CPA4: variants seen among roughly 807,000 people sequenced by gnomAD.
The protein encoded by CPA4 is carboxypeptidase A3.
CPA4 carries 49 observed loss-of-function variants against 54.7 expected under a neutral mutation model. The ratio of observed to expected loss-of-function variants is 0.90; its 90% CI spans 0.71 to 1.14. The LOEUF (loss-of-function observed/expected upper bound fraction) is 1.14, where lower values mean the gene tolerates loss of function less well. Among genes scored for constraint, CPA4 ranks in the 50% most tolerant of loss-of-function variants. CPA4 has a pLI of 0.00. For missense variants in CPA4, 487 were observed against 525.1 expected, an observed-to-expected ratio of 0.93 and a Z score of 0.71; for synonymous variants, 215 against 206.8, an observed-to-expected ratio of 1.04 and a Z score of -0.34.
chr7:130,308,864 T>TG (rs1793869912), intron 8 of CPA4, among the ~76,000 whole-genome samples: 1 of 150,142 alleles, frequency 6.7e-6, no homozygotes, highest in Non-Finnish European at 1.5e-5. Context: ...TTTTTTTTTT[T>TG]TGAGACAGAG....
rs1244231404 is a variant in CPA4 at position 130,304,542 on chromosome 7, G to A, written c.449G>A (p.Gly150Glu). 1 of 1,613,790 alleles carries A rather than the reference G, an allele frequency of 6.2e-7. No individual in the cohort carries two copies. Among genetic ancestry groups the A allele is most frequent in the Admixed American group, 1.7e-5 (1 of 60,018 alleles). The part of the protein sequence containing the change: ...FPDLARRVKI[G>E]HSFENRPMYV... Reference sequence around the variant, plus strand: ...GACCTGGCGAGGAGGGTGAAGATTGGACATTCGTTTGAAAACCGGCCGATG... The same window carrying A: ...GACCTGGCGAGGAGGGTGAAGATTGAACATTCGTTTGAAAACCGGCCGATG... Residue 150 changes from glycine to glutamate, a missense_variant, in exon 5 of 11, where the codon GGA becomes GAA. Gly to Glu is a moderately conservative substitution (Grantham distance 98). Transcript: ENST00000222482.
At chr7:130,314,872 C>T (rs1388589108) in intron 10 of CPA4, among the ~76,000 whole-genome samples, 1 of 151,952 alleles carries the variant, frequency 6.6e-6, no homozygotes, top group Admixed American at 6.6e-5. Flanking sequence ...ATGTAAGCGG[C>T]TTATGTGGAT....
chr7:130,309,097 C>T (rs949096719), intron 8 of CPA4, among the ~76,000 whole-genome samples: 4 of 152,192 alleles, frequency 2.6e-5, no homozygotes, highest in Admixed American at 6.5e-5. Flanking sequence ...CTGCCCGCCT[C>T]AGCCTCCCAA....
intron 1 of CPA4, among the ~76,000 whole-genome samples, chr7:130,295,944 A>C (rs1378650244): frequency 6.6e-6 from 1 of 152,114 alleles, no homozygotes; most frequent in Non-Finnish European, 1.5e-5. Flanking sequence ...GTGCTATTGC[A>C]CTCCAGCCTG....
chr7:130,312,028 C>G lies in CPA4; in HGVS notation c.994-10C>G, dbSNP rs1201936161. The G allele has an allele frequency of 6.2e-7, 1 of 1,611,976 alleles. No homozygotes were observed. Among genetic ancestry groups the G allele is most frequent in the African/African-American group, 1.3e-5 (1 of 75,008 alleles). On this transcript the variant is annotated splice_polypyrimidine_tract_variant and intron_variant, in intron 9 of 10. Coordinates refer to ENST00000222482, the MANE Select transcript of CPA4 (RefSeq NM_016352.4). ...GATTTTTTCTCACTCCACGGATTCC[C>G]CCTTCCCAGGACAAGGTGGCGAGGC...
Position 130,293,170 on chromosome 7 carries a change from T to A in CPA4, c.-11T>A, listed in dbSNP as rs773858045. ...TTGACTCAGCCACTGTATGACTGAC[T>A]CCCCGGGGACATGAGGTGGATACTG... On this transcript the variant is annotated 5_prime_UTR_variant, in exon 1 of 11. Transcript: ENST00000222482. 2 of 1,588,616 alleles carry A rather than the reference T, an allele frequency of 1.3e-6. No individual in the cohort carries two copies. The highest frequency in any genetic ancestry group is 1.7e-6 in the Non-Finnish European group (2 of 1,156,960).
At chr7:130,305,624 A>G (rs1793807293) in intron 5 of CPA4, among the ~76,000 whole-genome samples, 192 bp from the exon 6 acceptor site, 1 of 152,226 alleles carries the variant, frequency 6.6e-6, no homozygotes, top group Admixed American at 6.5e-5. Context: ...CTGGAGCTGC[A>G]GCTTGGCCCC....
At chr7:130,311,884 G>A (rs1173642780) in intron 9 of CPA4, among the ~76,000 whole-genome samples, 154 bp from the exon 10 acceptor site, 1 of 152,182 alleles carries the variant, frequency 6.6e-6, no homozygotes, top group Non-Finnish European at 1.5e-5. Context: ...TCAGTTTACA[G>A]TTGGGCCTTG....
chr7:130,300,345 T>C (rs1012559850), intron 3 of CPA4, among the ~76,000 whole-genome samples: 5 of 150,564 alleles, frequency 3.3e-5, no homozygotes, highest in African/African-American at 4.9e-5. Context: ...TTTTTTTTTT[T>C]TTTTTTTTTG....
chr7:130,323,730 C>T lies in CPA4; in HGVS notation c.*1054C>T, dbSNP rs1312375993. Reference sequence around the variant, plus strand: ...TAAATTGCAGGATGGTGAAATTATCCCCATCTGTCCTAATGGGCTTACCTC... The same window carrying T: ...TAAATTGCAGGATGGTGAAATTATCTCCATCTGTCCTAATGGGCTTACCTC... On this transcript the variant is annotated 3_prime_UTR_variant, in exon 11 of 11. Coordinates refer to ENST00000222482, the MANE Select transcript of CPA4 (RefSeq NM_016352.4). The T allele has an allele frequency of 6.6e-6, 1 of 152,138 alleles. No homozygotes were observed. Among genetic ancestry groups the T allele is most frequent in the African/African-American group, 2.4e-5 (1 of 41,408 alleles). 9.4% of individuals were successfully genotyped at this position (152,138 alleles called of 1,614,324 possible).
rs1343656276 is a variant in CPA4, at chr7:130,305,865, G to A, written c.536G>A (p.Gly179Asp). Residue 179 changes from glycine (G) to aspartate (D), a missense_variant, in exon 6 of 11, where the codon GGC (glycine) becomes GAC (aspartate). Coordinates refer to ENST00000222482, the MANE Select transcript of CPA4 (RefSeq NM_016352.4). ...CGGCCGGCCGTTTGGCTGAATGCAG[G>A]CATCCATTCCCGAGAGTGGATCTCC... ...VRRPAVWLNA[G>D]IHSREWISQA... 1 of 1,614,184 alleles carries A rather than the reference G, an allele frequency of 6.2e-7. No homozygotes were observed. The highest frequency in any genetic ancestry group is 8.5e-7 in the Non-Finnish European group (1 of 1,180,036).
In CPA4 at chr7:130,320,000, G is replaced by A. The variant is rs560824016; in HGVS notation, c.1079-2489G>A. ...CAAGAAGTTAGAGGGACCTTGGTTC[G>A]GGGGCGGCTTCTGAGGGCCCTCAGC... On this transcript the variant is annotated intron_variant, in intron 10 of 10. Transcript: ENST00000222482. Among the ~76,000 whole-genome samples the A allele has an allele frequency of 5.3e-5, 8 of 152,270 alleles. No homozygotes were observed. The South Asian group carries it at 6.2e-4, about 12-fold the overall frequency.
intron 9 of CPA4, 51 bp from the exon 10 acceptor site, chr7:130,311,987 G>A: frequency 7.4e-7 from 1 of 1,360,082 alleles, no homozygotes; most frequent in Non-Finnish European, 1.1e-6. Flanking sequence ...GCTGAGGAAG[G>A]TCAAGCTTCA....
In CPA4 at chr7:130,307,227, TCTAA is replaced by T. The variant is rs1439065665; in HGVS notation, c.702+333_702+336del. 8.2e-5 allele frequency among the ~76,000 whole-genome samples: 12 copies of T among 146,770 alleles called. No homozygotes were observed. In the South Asian group the frequency reaches 8.8e-4, roughly 11 times the overall value. The stretch of plus-strand genomic sequence containing the variant: ...ACCCTAAACTACTTTAGTACGCATC[TCTAA>T]CTGACGATAGAAAAAAAAAAATTAA... On this transcript the variant is annotated intron_variant, in intron 7 of 10. Transcript: ENST00000222482.
intron 4 of CPA4, among the ~76,000 whole-genome samples, chr7:130,302,159 G>A (rs999155205): frequency 6.6e-6 from 1 of 152,106 alleles, no homozygotes. Flanking sequence ...TCCTAGCTCA[G>A]TCATATACAG....
chr7:130,307,325 C>T (rs1442309420), intron 7 of CPA4, among the ~76,000 whole-genome samples: 6 of 152,112 alleles, frequency 3.9e-5, no homozygotes, highest in East Asian at 3.8e-4. Flanking sequence ...CTAACACCCC[C>T]GATTACCTTA....
At chr7:130,295,460 G>C (rs972822616) in intron 1 of CPA4, among the ~76,000 whole-genome samples, 1 of 152,178 alleles carries the variant, frequency 6.6e-6, no homozygotes, top group African/African-American at 2.4e-5. Flanking sequence ...ATCCCAACAC[G>C]TCCCCCTCCC....
intron 10 of CPA4, among the ~76,000 whole-genome samples, chr7:130,317,101 G>T (rs752255744): frequency 6.6e-5 from 10 of 152,056 alleles, no homozygotes; most frequent in Non-Finnish European, 1.0e-4. Flanking sequence ...ATACCTGAAG[G>T]GATCTTTATC....
intron 10 of CPA4, among the ~76,000 whole-genome samples, chr7:130,319,641 G>A (rs115209291): frequency 0.012 from 1,838 of 152,350 alleles, 28 homozygotes; most frequent in African/African-American, 0.042. Context: ...GGGAGGAGAT[G>A]TATGGACTGG....
Sources: allele counts gnomAD v4.1 joint callset (sites outside exome capture counted in the v4.1 genomes callset), GRCh38; gene constraint gnomAD v4.1.1; transcripts MANE v1.5; gene names NCBI Gene and HGNC (gene_info 2026-07-23, HGNC 2026-07-21).